The following NUP210L variants were observed in gnomAD, a reference collection of about 807,000 sequenced individuals.
NUP210L encodes the protein nucleoporin 210 like.
NUP210L carries 74 observed loss-of-function variants against 208.5 expected under a neutral mutation model. That is an observed-to-expected ratio of 0.35 (90% confidence interval 0.29 to 0.43). The LOEUF (loss-of-function observed/expected upper bound fraction) is 0.43, where lower values mean the gene tolerates loss of function less well. Ranked by LOEUF, NUP210L falls within the 20% of genes least tolerant of loss-of-function variation. The pLI is 1.00. For synonymous variants in NUP210L, 780 were observed against 816.9 expected (o/e 0.95, Z 0.77); for missense variants, 1,843 against 2,289.4 (o/e 0.81, Z 3.98).
In NUP210L at chr1:154,019,418, T is replaced by C. The variant is rs558624758; in HGVS notation, c.4517-349A>G. Among the ~76,000 whole-genome samples the C allele has an allele frequency of 1.7e-3, 254 of 152,282 alleles. 1 individual carries two copies. The highest frequency in any genetic ancestry group is 5.9e-3 in the African/African-American group (244 of 41,574). On this transcript the variant is annotated intron_variant, in intron 32 of 39. Coordinates refer to ENST00000368559, the Ensembl canonical transcript of NUP210L. ...TACTGATTGATGACAGCAAGAAGAC[T>C]GCAAAAAAGTGACCATGGCAAGAGA...
At chr1:154,070,220 A>AACAAG in intron 17 of NUP210L, 53 bp downstream of exon 17, 5 of 1,407,906 alleles carry the variant, frequency 3.6e-6, no homozygotes, top group Non-Finnish European at 4.8e-6. Context: ...AACAAAACAA[A>AACAAG]CAAACAAAAA....
At chr1:154,095,694 A>G (rs1656144901) in intron 14 of NUP210L, among the ~76,000 whole-genome samples, 1 of 152,226 alleles carries the variant, frequency 6.6e-6, no homozygotes. Flanking sequence ...AAGATGCATA[A>G]GCATTTTAAA....
chr1:154,005,212 A>ATTATTTAT (rs1175039319), intron 35 of NUP210L, among the ~76,000 whole-genome samples: 9 of 150,554 alleles, frequency 6.0e-5, no homozygotes, highest in Admixed American at 5.3e-4. Flanking sequence ...AACTGCCTTC[A>ATTATTTAT]TTATTTATTT....
chr1:154,136,032 G>C, intron 6 of NUP210L, 60 bp from the exon 7 acceptor site: 1 of 1,138,430 alleles, frequency 8.8e-7, no homozygotes, highest in Admixed American at 1.7e-5. Flanking sequence ...AGATAATGAT[G>C]TATTCTTGAT....
intron 35 of NUP210L, among the ~76,000 whole-genome samples, chr1:154,004,484 C>T (rs541729880): frequency 3.6e-4 from 55 of 152,058 alleles, no homozygotes; most frequent in Admixed American, 1.2e-3. Flanking sequence ...TCTCCTGCCT[C>T]AGCCTCCCAC....
At chr1:154,125,689 G>GA (rs1657885572) in intron 10 of NUP210L, among the ~76,000 whole-genome samples, 3 of 12,326 alleles carry the variant, frequency 2.4e-4, no homozygotes, top group Non-Finnish European at 5.4e-4. Flanking sequence ...AAGGAAGGAA[G>GA]GAAGGAAGGA....
chr1:154,055,129 T>TTCTCTTTCTTTCTTTTC (rs201648547), intron 23 of NUP210L, among the ~76,000 whole-genome samples: 936 of 56,964 alleles, frequency 0.016, 18 homozygotes, highest in South Asian at 0.076. Flanking sequence ...TTTCTTTTCT[T>TTCTCTTTCTTTCTTTTC]TCTTTCTTTC....
At chr1:154,057,979 G>A (rs1007368790) in intron 22 of NUP210L, 110 bp downstream of exon 22, 13 of 1,163,562 alleles carry the variant, frequency 1.1e-5, no homozygotes, top group Non-Finnish European at 1.6e-5. Flanking sequence ...AACAGAAAAG[G>A]AATGGAGAAA....
chr1:154,114,067 C>T (rs901943135), intron 12 of NUP210L, among the ~76,000 whole-genome samples: 3 of 149,752 alleles, frequency 2.0e-5, no homozygotes, highest in Non-Finnish European at 4.4e-5. Context: ...TGCTTGAACT[C>T]GAGAGGCGGA....
Position 154,152,000 on chromosome 1 carries a change from G to C in NUP210L, c.340+736C>G, listed in dbSNP as rs1393671476. Among the ~76,000 whole-genome samples the C allele has an allele frequency of 2.8e-5, 4 of 144,038 alleles. No individual in the cohort carries two copies. In the South Asian group the frequency reaches 6.8e-4, roughly 25 times the overall value. The allele number at this position is 144,038 out of a possible 152,430, so 94.5% of individuals were successfully genotyped here. A position where few individuals can be genotyped will look rare whatever the true frequency, so the allele number is the denominator to read the frequency against. On this transcript the variant is annotated intron_variant, in intron 2 of 39. Transcript: ENST00000368559. Reference sequence around the variant, plus strand: ...AGCTACTCAAGAGGCTGAGCCAGGAGAATCGCTTGAACCTGGGAGACAGAG... The same window carrying C: ...AGCTACTCAAGAGGCTGAGCCAGGACAATCGCTTGAACCTGGGAGACAGAG...
chr1:153,999,053 C>T (rs367698976), intron 37 of NUP210L, among the ~76,000 whole-genome samples: 3 of 152,090 alleles, frequency 2.0e-5, no homozygotes, highest in East Asian at 3.9e-4. Flanking sequence ...TACCTACCTC[C>T]TAGAGTTATG....
intron 35 of NUP210L, among the ~76,000 whole-genome samples, chr1:154,008,472 G>A (rs1040328011): frequency 6.6e-6 from 1 of 152,110 alleles, no homozygotes; most frequent in African/African-American, 2.4e-5. Flanking sequence ...ACTTTGGGAT[G>A]CTGAGGCAGG....
At chr1:154,058,097 G>A in exon 22 of NUP210L, 1 of 1,614,110 alleles carries the variant, frequency 6.2e-7, no homozygotes, top group Non-Finnish European at 8.5e-7. Flanking sequence ...ACGTCAGGGT[G>A]ACAATGGCAG....
chr1:154,046,016 T>C lies in NUP210L; in HGVS notation c.3696+53A>G, dbSNP rs1439784495. 2.7e-6 allele frequency: 4 copies of C among 1,496,102 alleles called. No homozygotes were observed. The African/African-American group carries it at 5.7e-5, about 21-fold the overall frequency. The allele number at this position is 1,496,102 out of a possible 1,614,324, so 92.7% of individuals were successfully genotyped here. A position where few individuals can be genotyped will look rare whatever the true frequency, so the allele number is the denominator to read the frequency against. ...AAAAGAAACTTATGATAAATTAAAA[T>C]AAATTTAATATCAAGATCCCTAAGA... On this transcript the variant is annotated intron_variant, in intron 27 of 39. Transcript: ENST00000368559.
chr1:154,127,533 G>T, intron 8 of NUP210L, 116 bp from the exon 9 acceptor site: 20 of 377,634 alleles, frequency 5.3e-5, no homozygotes, highest in East Asian at 1.4e-4. Context: ...AATAGATGGA[G>T]ATGGTTTCCA....
At chr1:154,132,637 A>T (rs1658315636) in intron 7 of NUP210L, among the ~76,000 whole-genome samples, 1 of 152,178 alleles carries the variant, frequency 6.6e-6, no homozygotes, top group Non-Finnish European at 1.5e-5. Flanking sequence ...AAATAACAAT[A>T]TGAACTGAAA....
chr1:154,061,106 G>A (rs1254181578), intron 18 of NUP210L, 60 bp from the exon 19 acceptor site: 19 of 1,218,508 alleles, frequency 1.6e-5, no homozygotes, highest in Non-Finnish European at 2.2e-5. Flanking sequence ...GGCCGCCCAC[G>A]GTGGCTTACG....
chr1:154,026,001 T>A (rs1351753258), intron 29 of NUP210L, among the ~76,000 whole-genome samples: 1 of 151,762 alleles, frequency 6.6e-6, no homozygotes, highest in Non-Finnish European at 1.5e-5. Flanking sequence ...GGCGGGAGGA[T>A]CACCTGAGGT....
At chr1:154,124,551 T>G (rs12407062) in intron 10 of NUP210L, among the ~76,000 whole-genome samples, 45,992 of 152,154 alleles carry the variant, frequency 0.3, 7,886 homozygotes, top group Admixed American at 0.45. Context: ...AGATACTCAG[T>G]TATGCCATTT....
Sources: allele counts gnomAD v4.1 joint callset (sites outside exome capture counted in the v4.1 genomes callset), GRCh38; gene constraint gnomAD v4.1.1; transcripts MANE v1.5; gene names NCBI Gene and HGNC (gene_info 2026-07-23, HGNC 2026-07-21).